Variants in NRG3 observed in about 807,000 individuals in gnomAD.
NRG3 encodes neuregulin 3.
Under a neutral mutation model 66.9 loss-of-function variants are expected in NRG3, and 31 were observed. That is an observed-to-expected ratio of 0.46 (90% CI 0.35 to 0.63). The LOEUF is 0.63. NRG3 is among the 20% of genes least tolerant of loss of function. The pLI is 0.00. For synonymous variants in NRG3, 393 were observed against 359.4 expected, an observed-to-expected ratio of 1.09 and a Z score of -1.06; for missense variants, 910 against 878.9, an observed-to-expected ratio of 1.04 and a Z score of -0.45.
intron 1 of NRG3, among the ~76,000 whole-genome samples, chr10:82,251,281 C>T (rs1431559901): frequency 1.3e-5 from 2 of 152,118 alleles, no homozygotes; most frequent in Non-Finnish European, 2.9e-5. Context: ...TGACCCCAAG[C>T]TTCTCCTCCC....
At chr10:82,532,480 G>A (rs1401225718) in intron 2 of NRG3, among the ~76,000 whole-genome samples, 1 of 146,622 alleles carries the variant, frequency 6.8e-6, no homozygotes, top group Non-Finnish European at 1.5e-5. Flanking sequence ...TATATATATA[G>A]TACTCTCTAT....
intron 4 of NRG3, among the ~76,000 whole-genome samples, chr10:82,917,282 A>G (rs1351533073): frequency 6.6e-6 from 1 of 152,006 alleles, no homozygotes; most frequent in East Asian, 1.9e-4. Context: ...TCCCTAGCTC[A>G]GGTTATGGTC....
At chr10:82,936,235 T>C (rs1201039573) in intron 4 of NRG3, among the ~76,000 whole-genome samples, 1 of 152,188 alleles carries the variant, frequency 6.6e-6, no homozygotes, top group Non-Finnish European at 1.5e-5. Flanking sequence ...AATGAAAGGA[T>C]ATTCTTAGGT....
At chr10:82,653,854 A>G (rs1389125629) in intron 2 of NRG3, among the ~76,000 whole-genome samples, 1 of 152,184 alleles carries the variant, frequency 6.6e-6, no homozygotes, top group Non-Finnish European at 1.5e-5. Context: ...TACAGTACAC[A>G]ATCACAGGAA....
chr10:82,847,192 G>C (rs1285895145), intron 3 of NRG3, among the ~76,000 whole-genome samples: 4 of 152,208 alleles, frequency 2.6e-5, no homozygotes, highest in Non-Finnish European at 5.9e-5. Context: ...AATTAAATCT[G>C]TCTTTAGAAA....
intron 2 of NRG3, among the ~76,000 whole-genome samples, chr10:82,644,200 A>T (rs1469186548): frequency 6.6e-6 from 1 of 151,968 alleles, no homozygotes; most frequent in Non-Finnish European, 1.5e-5. Context: ...TTTTCAGCTC[A>T]CCCCACTTTC....
At chr10:82,120,065 A>G (rs1050001002) in intron 1 of NRG3, among the ~76,000 whole-genome samples, 2 of 152,182 alleles carry the variant, frequency 1.3e-5, no homozygotes, top group African/African-American at 4.8e-5. Flanking sequence ...GTATTATTTT[A>G]AAGAAAGATG....
chr10:82,074,087 AC>A (rs1389741564), intron 1 of NRG3, among the ~76,000 whole-genome samples: 1 of 151,954 alleles, frequency 6.6e-6, no homozygotes, highest in African/African-American at 2.4e-5. Flanking sequence ...AAAAAAAAAA[AC>A]AGCAGGGTTT....
At chr10:81,881,751 G>A (rs1007274885) in intron 1 of NRG3, among the ~76,000 whole-genome samples, 16 of 151,910 alleles carry the variant, frequency 1.1e-4, no homozygotes, top group African/African-American at 2.4e-4. Context: ...ATGTTAGGGC[G>A]AAGGCTTTTT....
At chr10:82,429,510 C>T (rs2089659473) in intron 2 of NRG3, among the ~76,000 whole-genome samples, 1 of 151,988 alleles carries the variant, frequency 6.6e-6, no homozygotes, top group Non-Finnish European at 1.5e-5. Context: ...TTATTGAAGA[C>T]TCCTTGTGTA....
intron 2 of NRG3, among the ~76,000 whole-genome samples, chr10:82,514,749 G>A (rs1246835870): frequency 6.6e-6 from 1 of 152,028 alleles, no homozygotes; most frequent in African/African-American, 2.4e-5. Flanking sequence ...CTAATTATGT[G>A]AAGAACTTCA....
At chr10:81,940,543 G>T (rs747216551) in intron 1 of NRG3, among the ~76,000 whole-genome samples, 2 of 151,770 alleles carry the variant, frequency 1.3e-5, no homozygotes, top group African/African-American at 2.4e-5. Flanking sequence ...TTTTTGAGGA[G>T]ATGGGGGTCT....
intron 2 of NRG3, among the ~76,000 whole-genome samples, chr10:82,521,215 T>G (rs1450961225): frequency 6.6e-6 from 1 of 152,214 alleles, no homozygotes; most frequent in Non-Finnish European, 1.5e-5. Context: ...ACATTTTATT[T>G]ACTAAAAATA....
intron 1 of NRG3, among the ~76,000 whole-genome samples, chr10:82,059,546 A>G (rs141736276): frequency 1.1e-3 from 167 of 152,324 alleles, no homozygotes; most frequent in African/African-American, 3.9e-3. Context: ...ATAATTTGGC[A>G]GGAGACTTTT....
chr10:82,804,772 A>G (rs2061207810), intron 3 of NRG3, among the ~76,000 whole-genome samples: 1 of 152,186 alleles, frequency 6.6e-6, no homozygotes, highest in Non-Finnish European at 1.5e-5. Flanking sequence ...TAGGCTTGAG[A>G]ATGCAGACGG....
chr10:82,109,683 C>A (rs115451210), intron 1 of NRG3, among the ~76,000 whole-genome samples: 3,796 of 152,020 alleles, frequency 0.025, 158 homozygotes, highest in African/African-American at 0.087. Context: ...TCCATTGTTT[C>A]TGACTTTCTC....
intron 1 of NRG3, among the ~76,000 whole-genome samples, chr10:82,349,757 G>T (rs1481745465): frequency 3.7e-4 from 56 of 152,274 alleles, no homozygotes; most frequent in East Asian, 1.2e-3. Context: ...GTGCGGGATA[G>T]AATCTCTTGG....
At chr10:82,979,304 G>C (rs1327082413) in intron 8 of NRG3, among the ~76,000 whole-genome samples, 184 bp downstream of exon 8, 1 of 152,074 alleles carries the variant, frequency 6.6e-6, no homozygotes, top group African/African-American at 2.4e-5. Context: ...ATGGAAAATA[G>C]GTATCAGGGA....
At chr10:82,112,828 T>G (rs754787630) in intron 1 of NRG3, among the ~76,000 whole-genome samples, 2 of 152,146 alleles carry the variant, frequency 1.3e-5, no homozygotes, top group Non-Finnish European at 2.9e-5. Flanking sequence ...GATATGTATT[T>G]CAGTGATATC....
Sources: allele counts gnomAD v4.1 joint callset (sites outside exome capture counted in the v4.1 genomes callset), GRCh38; gene constraint gnomAD v4.1.1; transcripts MANE v1.5; gene names NCBI Gene and HGNC (gene_info 2026-07-23, HGNC 2026-07-21).